NT5C2: variants seen among roughly 807,000 people sequenced by gnomAD.
NT5C2 encodes cytosolic purine 5'-nucleotidase.
A neutral mutation model predicts 76.1 loss-of-function variants in NT5C2; 58 were observed. That is an observed-to-expected ratio of 0.76 (90% confidence interval 0.62 to 0.95). The LOEUF (loss-of-function observed/expected upper bound fraction) is 0.95, where lower values mean the gene tolerates loss of function less well. NT5C2 is among the 40% of genes least tolerant of loss of function. NT5C2 has a pLI of 0.00. For missense variants in NT5C2, 478 were observed against 690.3 expected (o/e 0.69, Z 3.45); for synonymous variants, 229 against 237.4 (o/e 0.96, Z 0.32).
intron 6 of NT5C2, among the ~76,000 whole-genome samples, chr10:103,102,522 TTC>T (rs1590810374): frequency 6.6e-6 from 1 of 151,848 alleles, no homozygotes; most frequent in Non-Finnish European, 1.5e-5. Context: ...TCAGAATTTT[TTC>T]TTTTTTCTTT....
At chr10:103,112,827 G>T (rs1784224672) in intron 4 of NT5C2, among the ~76,000 whole-genome samples, 1 of 152,166 alleles carries the variant, frequency 6.6e-6, no homozygotes, top group Non-Finnish European at 1.5e-5. Flanking sequence ...TTTAGCTGTA[G>T]GCTACATGAT....
intron 4 of NT5C2, chr10:103,125,376 A>G (rs1170505860): frequency 1.2e-5 from 4 of 322,992 alleles, no homozygotes; most frequent in African/African-American, 2.2e-5. Flanking sequence ...GACATTGCTG[A>G]TGCTCTTGAG....
intron 1 of NT5C2, among the ~76,000 whole-genome samples, chr10:103,184,364 C>T (rs1314120866): frequency 6.6e-6 from 1 of 152,194 alleles, no homozygotes; most frequent in African/African-American, 2.4e-5. Context: ...ATAGTTCACA[C>T]ACCAAAGTGA....
intron 4 of NT5C2, among the ~76,000 whole-genome samples, chr10:103,115,502 C>T: frequency 6.6e-6 from 1 of 152,080 alleles, no homozygotes; most frequent in East Asian, 1.9e-4. Context: ...CATTTATTCA[C>T]ACAAAAAATC....
chr10:103,128,256 G>A (rs1181517081), intron 4 of NT5C2, among the ~76,000 whole-genome samples: 5 of 150,782 alleles, frequency 3.3e-5, no homozygotes, highest in East Asian at 3.9e-4. Flanking sequence ...TGGTGGAGAC[G>A]GGGTTTCGCT....
At chr10:103,159,439 G>A (rs1195856912) in intron 3 of NT5C2, among the ~76,000 whole-genome samples, 1 of 151,896 alleles carries the variant, frequency 6.6e-6, no homozygotes, top group East Asian at 1.9e-4. Context: ...CAGAAATAAT[G>A]AAAGACACCA....
chr10:103,152,009 A>G (rs1197156450), intron 3 of NT5C2, among the ~76,000 whole-genome samples: 2 of 152,196 alleles, frequency 1.3e-5, no homozygotes, highest in African/African-American at 4.8e-5. Flanking sequence ...AACCAAGTCT[A>G]ACATATACTT....
intron 3 of NT5C2, among the ~76,000 whole-genome samples, chr10:103,143,674 G>A (rs1238643877): frequency 7.7e-6 from 1 of 129,374 alleles, no homozygotes; most frequent in Non-Finnish European, 1.6e-5. Flanking sequence ...AGGAGTTTGA[G>A]ACCAGAAGTG....
At chr10:103,140,937 AC>A (rs1380224426) in intron 3 of NT5C2, among the ~76,000 whole-genome samples, 1 of 152,214 alleles carries the variant, frequency 6.6e-6, no homozygotes, top group East Asian at 1.9e-4. Context: ...CTTAACAGAT[AC>A]ATGGTTCGCA....
chr10:103,170,620 G>A (rs969411271), intron 3 of NT5C2, among the ~76,000 whole-genome samples: 6 of 147,590 alleles, frequency 4.1e-5, no homozygotes, highest in African/African-American at 1.3e-4. Flanking sequence ...CCTCTCAGAC[G>A]CAGGTGATCC....
At chr10:103,175,731 C>T (rs2089740454) in intron 2 of NT5C2, 2 of 270,224 alleles carry the variant, frequency 7.4e-6, no homozygotes, top group Admixed American at 4.0e-5. Flanking sequence ...CAGCCGGGGC[C>T]ACTGGCGATG....
In NT5C2 at chr10:103,094,463, A is replaced by T; in HGVS notation, c.814-8T>A. 1 of 1,531,468 alleles carries T rather than the reference A, an allele frequency of 6.5e-7. No homozygotes were observed. The highest frequency in any genetic ancestry group is 1.1e-5 in the South Asian group (1 of 89,064). 94.9% of individuals were successfully genotyped at this position (1,531,468 alleles called of 1,614,324 possible). A position where few individuals can be genotyped will look rare whatever the true frequency, so the allele number is the denominator to read the frequency against. ...TCGATGGGAGCTCCCAGGCTGGTGA[A>T]GGAGAAACAGCAAAAGTTGAAACAT... On this transcript the variant is annotated splice_polypyrimidine_tract_variant and splice_region_variant and intron_variant, in intron 12 of 18. Coordinates refer to ENST00000404739, the MANE Select transcript of NT5C2 (RefSeq NM_001351169.2).
At chr10:103,150,722 T>G (rs2082252980) in intron 3 of NT5C2, among the ~76,000 whole-genome samples, 1 of 152,244 alleles carries the variant, frequency 6.6e-6, no homozygotes, top group Non-Finnish European at 1.5e-5. Context: ...TTAATTTGTA[T>G]TTCCCTAATG....
intron 4 of NT5C2, chr10:103,111,874 G>A: frequency 3.0e-6 from 3 of 1,001,806 alleles, no homozygotes; most frequent in Non-Finnish European, 3.9e-6. Flanking sequence ...AAACTGTTGT[G>A]ATGGGCTGGA....
chr10:103,134,337 G>A (rs986015077), intron 4 of NT5C2, among the ~76,000 whole-genome samples: 2 of 152,196 alleles, frequency 1.3e-5, no homozygotes, highest in African/African-American at 4.8e-5. Flanking sequence ...GCAGTCTGGC[G>A]ACTTAGTGCC....
Position 103,089,350 on chromosome 10 carries a change from G to A in NT5C2, c.*322C>T, listed in dbSNP as rs754019303. On this transcript the variant is annotated 3_prime_UTR_variant, in exon 19 of 19. Transcript: ENST00000404739. ...ACTCTGAGACTCTTTCCTTTTCCTC[G>A]TGTATCCAGATACACTGACATACGG... 3.8e-5 allele frequency: 10 copies of A among 260,616 alleles called. No homozygotes were observed. Among genetic ancestry groups the A allele is most frequent in the Admixed American group, 1.5e-4 (3 of 19,486 alleles). The allele number at this position is 260,616 out of a possible 1,614,324, so 16.1% of individuals were successfully genotyped here.
intron 3 of NT5C2, among the ~76,000 whole-genome samples, chr10:103,174,038 G>A (rs966890011): frequency 2.7e-5 from 4 of 150,710 alleles, no homozygotes; most frequent in African/African-American, 9.8e-5. Context: ...GGAGGTTGCA[G>A]TGAGCTGAGA....
intron 3 of NT5C2, among the ~76,000 whole-genome samples, chr10:103,158,486 G>A (rs1476442263): frequency 1.3e-5 from 2 of 151,802 alleles, no homozygotes; most frequent in African/African-American, 2.4e-5. Context: ...TAGCTAGACT[G>A]ACCCAAAAAA....
chr10:103,134,564 G>A (rs1284365072), intron 4 of NT5C2, among the ~76,000 whole-genome samples: 1 of 152,204 alleles, frequency 6.6e-6, no homozygotes, highest in East Asian at 1.9e-4. Flanking sequence ...GCCAGGGTGG[G>A]GCTCTCATGG....
Sources: gnomAD v4.1 joint callset for allele counts (sites outside exome capture counted in the v4.1 genomes callset) on GRCh38, gnomAD v4.1.1 for gene constraint, MANE v1.5 for transcripts, NCBI Gene and HGNC (gene_info 2026-07-23, HGNC 2026-07-21) for gene names.